SUPT3H: variants seen among roughly 807,000 people sequenced by gnomAD.
SUPT3H encodes the protein transcription initiation protein SPT3 homolog.
A neutral mutation model predicts 44.3 loss-of-function variants in SUPT3H; 44 were observed. The ratio of observed to expected loss-of-function variants is 0.99; its 90% CI spans 0.78 to 1.28. The LOEUF is 1.28. Among genes scored for constraint, SUPT3H ranks in the 50% most tolerant of loss-of-function variants. The pLI, the probability that SUPT3H is intolerant of heterozygous loss-of-function variation, is 0.00. For synonymous variants in SUPT3H, 124 were observed against 125.6 expected, an observed-to-expected ratio of 0.99 and a Z score of 0.09; for missense variants, 380 against 387.1, an observed-to-expected ratio of 0.98 and a Z score of 0.15.
chr6:44,900,048 C>A (rs1044532371), intron 10 of SUPT3H, among the ~76,000 whole-genome samples: 14 of 152,182 alleles, frequency 9.2e-5, no homozygotes, highest in African/African-American at 2.7e-4. Context: ...GATGATGGAG[C>A]CAAGACGGCT....
intron 10 of SUPT3H, among the ~76,000 whole-genome samples, chr6:44,931,319 TTCA>T (rs1770552328): frequency 6.6e-6 from 1 of 152,204 alleles, no homozygotes; most frequent in Admixed American, 6.5e-5. Context: ...TCTCAACCTA[TTCA>T]TCATTATTTG....
rs996023359 is a variant in SUPT3H, at chr6:45,241,869, A to G, written c.101+123332T>C. 2.0e-5 allele frequency among the ~76,000 whole-genome samples: 3 copies of G among 152,276 alleles called. No individual in the cohort carries two copies. In the South Asian group the frequency reaches 6.2e-4, roughly 31 times the overall value. On this transcript the variant is annotated intron_variant, in intron 2 of 10. Transcript: ENST00000371459. Reference sequence around the variant, plus strand: ...AGGAAAAAGCAAAGTAAATTTGTCCAGAAGAATAAAACAAAGCATAGGATC... The same window carrying G: ...AGGAAAAAGCAAAGTAAATTTGTCCGGAAGAATAAAACAAAGCATAGGATC...
At chr6:44,892,223 G>T (rs1286280730) in intron 10 of SUPT3H, among the ~76,000 whole-genome samples, 2 of 152,160 alleles carry the variant, frequency 1.3e-5, no homozygotes, top group East Asian at 1.9e-4. Context: ...GAGCTCTAAG[G>T]AGATAGTTAT....
intron 2 of SUPT3H, among the ~76,000 whole-genome samples, chr6:45,303,509 T>C (rs1562917048): frequency 1.3e-5 from 2 of 151,818 alleles, no homozygotes; most frequent in Non-Finnish European, 2.9e-5. Context: ...AACAAACATA[T>C]GAAAAAATGC....
At chr6:44,984,508 AG>A (rs1431401901) in intron 6 of SUPT3H, among the ~76,000 whole-genome samples, 6 of 152,288 alleles carry the variant, frequency 3.9e-5, no homozygotes, top group African/African-American at 1.4e-4. Context: ...TTGTCTATGT[AG>A]TTAACTATTT....
chr6:45,094,302 G>A (rs1797516757), intron 3 of SUPT3H, among the ~76,000 whole-genome samples: 1 of 151,988 alleles, frequency 6.6e-6, no homozygotes, highest in South Asian at 2.1e-4. Context: ...GAACCTTTAG[G>A]GAGAAAAGCC....
downstream of SUPT3H, among the ~76,000 whole-genome samples, chr6:44,824,196 C>A (rs1181037157): frequency 6.6e-6 from 1 of 152,166 alleles, no homozygotes; most frequent in East Asian, 1.9e-4. Context: ...ACAGGCCAAA[C>A]CTATGGAAGT....
intron 1 of SUPT3H, among the ~76,000 whole-genome samples, chr6:45,374,155 A>C (rs951439256): frequency 1.3e-5 from 2 of 152,226 alleles, no homozygotes; most frequent in Non-Finnish European, 2.9e-5. Context: ...TTAATAAGTT[A>C]AATACCTTAA....
At chr6:45,281,855 C>T (rs1345920675) in intron 2 of SUPT3H, among the ~76,000 whole-genome samples, 2 of 152,166 alleles carry the variant, frequency 1.3e-5, no homozygotes, top group African/African-American at 4.8e-5. Flanking sequence ...GGCAGACTGA[C>T]ACCTCACATG....
chr6:45,141,918 G>A (rs1430882273), intron 2 of SUPT3H, among the ~76,000 whole-genome samples: 1 of 152,130 alleles, frequency 6.6e-6, no homozygotes, highest in East Asian at 1.9e-4. Flanking sequence ...ATCACAAAAA[G>A]ATCATTGCCT....
intron 2 of SUPT3H, among the ~76,000 whole-genome samples, chr6:45,302,305 C>G (rs1279875826): frequency 6.6e-6 from 1 of 151,624 alleles, no homozygotes; most frequent in Non-Finnish European, 1.5e-5. Flanking sequence ...AATTCTTATG[C>G]CTTTGCATCC....
intron 10 of SUPT3H, among the ~76,000 whole-genome samples, chr6:44,837,080 A>G (rs1175101365): frequency 6.6e-6 from 1 of 152,130 alleles, no homozygotes; most frequent in East Asian, 1.9e-4. Context: ...TTTTTTTACA[A>G]TCTTGGTTTT....
chr6:45,068,998 A>G (rs1047256113), intron 3 of SUPT3H, among the ~76,000 whole-genome samples: 1 of 151,500 alleles, frequency 6.6e-6, no homozygotes. Flanking sequence ...AAATAAAAAA[A>G]ATAAAATAAA....
intron 2 of SUPT3H, among the ~76,000 whole-genome samples, chr6:45,302,136 G>A (rs1370822832): frequency 6.6e-6 from 1 of 152,040 alleles, no homozygotes; most frequent in African/African-American, 2.4e-5. Context: ...CTTTGCGGGG[G>A]AAAGGTGGTA....
At chr6:45,228,039 T>C (rs777192827) in intron 2 of SUPT3H, among the ~76,000 whole-genome samples, 4 of 152,024 alleles carry the variant, frequency 2.6e-5, no homozygotes, top group Non-Finnish European at 5.9e-5. Context: ...TACAGAGCAA[T>C]GCTATGGCAA....
chr6:44,829,378 A>AGTT lies in SUPT3H; in HGVS notation c.*435_*437dup, dbSNP rs1465691823. 6.5e-6 allele frequency: 1 copy of AGTT among 154,858 alleles called. No homozygotes were observed. Among genetic ancestry groups the AGTT allele is most frequent in the African/African-American group, 2.4e-5 (1 of 41,484 alleles). The allele number at this position is 154,858 out of a possible 1,614,324, so 9.6% of individuals were successfully genotyped here. On this transcript the variant is annotated 3_prime_UTR_variant, in exon 11 of 11. Coordinates refer to ENST00000371459, the MANE Select transcript of SUPT3H (RefSeq NM_003599.4). ...CATGTCAACAAATGTTGGAAAGTAA[A>AGTT]GTTGGTGGTGTAAGGGAAGGCGAAA...
intron 9 of SUPT3H, among the ~76,000 whole-genome samples, chr6:44,946,344 T>G (rs1773340344): frequency 6.6e-6 from 1 of 152,220 alleles, no homozygotes; most frequent in Non-Finnish European, 1.5e-5. Context: ...AAGAAATATA[T>G]TTCATAAGAC....
At chr6:45,081,880 GA>G (rs780474000) in intron 3 of SUPT3H, among the ~76,000 whole-genome samples, 2 of 152,040 alleles carry the variant, frequency 1.3e-5, no homozygotes, top group African/African-American at 2.4e-5. Flanking sequence ...AAAATAGGGG[GA>G]AAAAATCAAG....
At chr6:45,123,919 A>T (rs1802035843) in intron 2 of SUPT3H, among the ~76,000 whole-genome samples, 1 of 152,120 alleles carries the variant, frequency 6.6e-6, no homozygotes, top group Non-Finnish European at 1.5e-5. Flanking sequence ...AATACTACTC[A>T]TCTTTTGTTT....
Sources: gnomAD v4.1 joint callset for allele counts (sites outside exome capture counted in the v4.1 genomes callset) on GRCh38, gnomAD v4.1.1 for gene constraint, MANE v1.5 for transcripts, NCBI Gene and HGNC (gene_info 2026-07-23, HGNC 2026-07-21) for gene names.